Variants in CYBRD1 observed in about 807,000 individuals in gnomAD.
CYBRD1 encodes the protein plasma membrane ascorbate-dependent reductase CYBRD1.
Under a neutral mutation model 21.9 loss-of-function variants are expected in CYBRD1, and 14 were observed. The ratio of observed to expected loss-of-function variants is 0.64; its 90% CI spans 0.42 to 1.00. The LOEUF (loss-of-function observed/expected upper bound fraction) is 1.00. Among genes scored for constraint, CYBRD1 ranks in the 50% least tolerant of loss-of-function variants. The pLI is 0.00. For synonymous variants in CYBRD1, 146 were observed against 136.5 expected (o/e 1.07, Z -0.48); for missense variants, 328 against 352.5 (o/e 0.93, Z 0.56).
At chr2:171,546,548 G>A (rs781157481) in intron 2 of CYBRD1, among the ~76,000 whole-genome samples, 1 of 152,126 alleles carries the variant, frequency 6.6e-6, no homozygotes, top group South Asian at 2.1e-4. Flanking sequence ...GCAGTGAACC[G>A]AATACCCGTT....
chr2:171,524,669 CTT>C (rs1697358885), intron 1 of CYBRD1, among the ~76,000 whole-genome samples: 1 of 152,198 alleles, frequency 6.6e-6, no homozygotes, highest in South Asian at 2.1e-4. Flanking sequence ...TGTTTTAAGT[CTT>C]TTCAGTGACC....
intron 1 of CYBRD1, among the ~76,000 whole-genome samples, chr2:171,529,952 G>A (rs6751899): frequency 0.15 from 22,713 of 152,154 alleles, 1,893 homozygotes; most frequent in Non-Finnish European, 0.18. Context: ...TGTTAACTAT[G>A]GATCTCAAGA....
At chr2:171,528,706 CTGTT>C (rs1697419563) in intron 1 of CYBRD1, among the ~76,000 whole-genome samples, 1 of 152,236 alleles carries the variant, frequency 6.6e-6, no homozygotes, top group Non-Finnish European at 1.5e-5. Context: ...ATCCAAATAT[CTGTT>C]TGCCTACTCA....
upstream of CYBRD1, chr2:171,522,308 A>G (rs868106): frequency 0.57 from 881,629 of 1,536,840 alleles, 257,426 homozygotes; most frequent in East Asian, 0.85. The surrounding 1 kb of genome is among the most constrained non-coding windows in gnomAD (Gnocchi z 4.3). Context: ...CCACCAGGCA[A>G]TGAGCGCCCT....
intron 2 of CYBRD1, among the ~76,000 whole-genome samples, chr2:171,546,810 T>A (rs1697723127): frequency 6.7e-6 from 1 of 149,630 alleles, no homozygotes; most frequent in Non-Finnish European, 1.5e-5. Flanking sequence ...GGGCGGAGAG[T>A]CTTCTAGGTG....
chr2:171,541,284 A>G (rs1270563035), intron 1 of CYBRD1, among the ~76,000 whole-genome samples: 1 of 152,176 alleles, frequency 6.6e-6, no homozygotes, highest in Non-Finnish European at 1.5e-5. Flanking sequence ...ATTTCAGTGA[A>G]AGAGTGAATG....
intron 2 of CYBRD1, among the ~76,000 whole-genome samples, chr2:171,553,080 A>G (rs78771640): frequency 0.046 from 7,058 of 152,280 alleles, 441 homozygotes; most frequent in African/African-American, 0.14. Context: ...ATAGGTATGA[A>G]AAAGATTTCC....
chr2:171,525,947 TAA>T (rs58388653), intron 1 of CYBRD1, among the ~76,000 whole-genome samples: 899 of 62,014 alleles, frequency 0.014, 15 homozygotes, highest in African/African-American at 0.056. Context: ...AACTCCCGTC[TAA>T]AAAAAAAAAA....
chr2:171,527,096 G>A lies in CYBRD1; in HGVS notation c.193+4358G>A, dbSNP rs78917640. On this transcript the variant is annotated intron_variant, in intron 1 of 3. Coordinates refer to ENST00000321348, the MANE Select transcript of CYBRD1 (RefSeq NM_024843.4). ...GGTAAAATCCAGCAAGTAAGATAAC[G>A]GAGAAAGTGTCCCAAATACCTACTC... Among the ~76,000 whole-genome samples, 199 of 152,148 alleles carry A rather than the reference G, an allele frequency of 1.3e-3. 6 individuals carry two copies. In the East Asian group the frequency reaches 0.034, roughly 26 times the overall value.
rs143733843 is a variant in CYBRD1 at position 171,542,039 on chromosome 2, A to G, written c.402+246A>G. On this transcript the variant is annotated intron_variant, in intron 2 of 3. Transcript: ENST00000321348. ...ACCATCGTGCCAGGCTAATTTTTGT[A>G]TTTTAGTAGAGATGGGGTTTCACCA... Among the ~76,000 whole-genome samples, 772 of 151,008 alleles carry G rather than the reference A, an allele frequency of 5.1e-3. 6 individuals carry two copies. Among genetic ancestry groups the G allele is most frequent in the Middle Eastern group, 0.02 (6 of 294 alleles).
intron 1 of CYBRD1, among the ~76,000 whole-genome samples, chr2:171,537,171 G>A (rs1697557915): frequency 6.6e-6 from 1 of 152,194 alleles, no homozygotes; most frequent in South Asian, 2.1e-4. Context: ...GTCTGTGTAT[G>A]TGTGCGTGTG....
intron 1 of CYBRD1, among the ~76,000 whole-genome samples, chr2:171,537,552 G>A (rs62181675): frequency 0.084 from 12,775 of 152,134 alleles, 699 homozygotes; most frequent in Middle Eastern, 0.17. Flanking sequence ...GATGGAGGAG[G>A]AGGGAGAGAA....
In CYBRD1 at chr2:171,555,159, A is replaced by G; in HGVS notation, c.*332A>G. On this transcript the variant is annotated 3_prime_UTR_variant, in exon 4 of 4. Transcript: ENST00000321348. ...CTAGTAGTTAATTGGATAAACTGGC[A>G]GCATCCCTGGCCTGTTGTCATGCAG... 1 of 328,856 alleles carries G rather than the reference A, an allele frequency of 3.0e-6. No homozygotes were observed. The highest frequency in any genetic ancestry group is 5.8e-6 in the Non-Finnish European group (1 of 173,590). The allele number at this position is 328,856 out of a possible 1,614,324, so 20.4% of individuals were successfully genotyped here.
rs1194316562 is a variant in CYBRD1 at position 171,554,603 on chromosome 2, G to T, written c.637G>T (p.Ala213Ser). Reference protein sequence around the residue: ...TLGLLILVFGALIFWIVTRPQ... With the variant: ...TLGLLILVFGSLIFWIVTRPQ... ...TGGCCTTCTGATCCTGGTGTTCGGG[G>T]CCCTCATTTTTTGGATAGTCACCAG... The change falls in exon 4 of 4, where the codon GCC becomes TCC. Residue 213 changes from alanine to serine, a missense_variant. Coordinates refer to ENST00000321348, the MANE Select transcript of CYBRD1 (RefSeq NM_024843.4). 6.2e-7 allele frequency: 1 copy of T among 1,613,990 alleles called. No individual in the cohort carries two copies. Among genetic ancestry groups the T allele is most frequent in the East Asian group, 2.2e-5 (1 of 44,870 alleles).
chr2:171,548,725 C>A (rs1338205236), intron 2 of CYBRD1, among the ~76,000 whole-genome samples: 1 of 142,220 alleles, frequency 7.0e-6, no homozygotes, highest in Non-Finnish European at 1.5e-5. Flanking sequence ...TCATTAATGT[C>A]TTTTGCAATA....
chr2:171,529,348 A>G (rs1045805313), intron 1 of CYBRD1, among the ~76,000 whole-genome samples: 1 of 152,008 alleles, frequency 6.6e-6, no homozygotes, highest in Non-Finnish European at 1.5e-5. Context: ...CCTGACCAAC[A>G]TGGAGAAACC....
rs1335628535 is a variant in CYBRD1 at position 171,522,585 on chromosome 2, G to T, written c.40G>T (p.Gly14Trp). Residue 14 changes from glycine (G) to tryptophan (W), a missense_variant, in exon 1 of 4, where the codon GGG becomes TGG. By Grantham distance (184) the Gly-to-Trp change is radical. Coordinates refer to ENST00000321348, the MANE Select transcript of CYBRD1 (RefSeq NM_024843.4). This position sits in a 1 kb window ranked among gnomAD's most constrained non-coding sequence, Gnocchi z 4.3. ...CTACTGGCGCTTCCTGGCGCTGCTG[G>T]GGTCGGCACTGCTCGTCGGCTTCCT... Reference protein sequence around the residue: ...EGYWRFLALLGSALLVGFLSV... With the variant: ...EGYWRFLALLWSALLVGFLSV... The T allele has an allele frequency of 2.5e-6, 4 of 1,611,534 alleles. No homozygotes were observed. Among genetic ancestry groups the T allele is most frequent in the Non-Finnish European group, 3.4e-6 (4 of 1,179,234 alleles).
chr2:171,554,119 C>T (rs1184533020), intron 3 of CYBRD1, among the ~76,000 whole-genome samples: 1 of 152,104 alleles, frequency 6.6e-6, no homozygotes, highest in African/African-American at 2.4e-5. Context: ...AGCAACCAAT[C>T]AGAGATACTT....
At chr2:171,550,788 A>G (rs75786945) in intron 2 of CYBRD1, among the ~76,000 whole-genome samples, 3,738 of 152,290 alleles carry the variant, frequency 0.025, 135 homozygotes, top group African/African-American at 0.084. Flanking sequence ...TAAGAGACAC[A>G]CATGACAAAT....
Sources: allele counts gnomAD v4.1 joint callset (sites outside exome capture counted in the v4.1 genomes callset), GRCh38; gene constraint gnomAD v4.1.1; non-coding constraint Gnocchi (gnomAD v3.1); transcripts MANE v1.5; gene names NCBI Gene and HGNC (gene_info 2026-07-23, HGNC 2026-07-21).